The following CIRSR variants were observed in gnomAD, a reference collection of about 807,000 sequenced individuals.
CIRSR encodes corepressor of RBPJ and splicing regulator.
At chr2:174,363,625 G>A in the CIRSR span, among the ~76,000 whole-genome samples, 1 of 152,216 alleles carries the variant, frequency 6.6e-6, no homozygotes, top group Non-Finnish European at 1.5e-5. Context: ...TGGACTTATA[G>A]TTCCACGTGG....
chr2:174,367,354 C>A, the CIRSR span, among the ~76,000 whole-genome samples: 2 of 151,988 alleles, frequency 1.3e-5, no homozygotes, highest in East Asian at 3.9e-4. Flanking sequence ...CCGAGGCAGA[C>A]GGATCACGAG....
At chr2:174,388,480 C>T in the CIRSR span, among the ~76,000 whole-genome samples, 1 of 152,134 alleles carries the variant, frequency 6.6e-6, no homozygotes, top group Admixed American at 6.5e-5. Context: ...GGATTACAGG[C>T]GTAAGCCACT....
chr2:174,360,061 G>A, the CIRSR span, among the ~76,000 whole-genome samples: 4 of 152,218 alleles, frequency 2.6e-5, no homozygotes, highest in Non-Finnish European at 5.9e-5. Flanking sequence ...GGCCTGTTGT[G>A]AGGTGGGGGA....
the CIRSR span, among the ~76,000 whole-genome samples, chr2:174,358,000 A>G: frequency 6.6e-6 from 1 of 152,236 alleles, no homozygotes; most frequent in African/African-American, 2.4e-5. Flanking sequence ...AGTTCATCTT[A>G]GTGGAGGCTG....
the CIRSR span, chr2:174,350,631 A>C: frequency 7.0e-7 from 1 of 1,428,868 alleles, no homozygotes; most frequent in Non-Finnish European, 9.6e-7. Context: ...GGAAAAAATA[A>C]ATCTATTAAA....
At chr2:174,359,937 A>G in the CIRSR span, among the ~76,000 whole-genome samples, 2 of 152,232 alleles carry the variant, frequency 1.3e-5, no homozygotes, top group Non-Finnish European at 2.9e-5. Context: ...GGAAACCATC[A>G]TTCTGGGCAA....
At chr2:174,361,989 T>C in the CIRSR span, among the ~76,000 whole-genome samples, 1 of 152,186 alleles carries the variant, frequency 6.6e-6, no homozygotes, top group Non-Finnish European at 1.5e-5. Flanking sequence ...TTGAAAAAAT[T>C]AGCTAAATTT....
the CIRSR span, chr2:174,349,011 C>T: frequency 6.3e-7 from 1 of 1,598,966 alleles, no homozygotes; most frequent in East Asian, 2.2e-5. Flanking sequence ...GTTACTCTCA[C>T]TCTCACTACT....
At chr2:174,395,482 T>C in the CIRSR span, 4 of 1,464,354 alleles carry the variant, frequency 2.7e-6, no homozygotes, top group South Asian at 4.6e-5. Context: ...CACCATCACT[T>C]TCACTTCCAG....
chr2:174,380,874 T>G, the CIRSR span: 3 of 1,373,278 alleles, frequency 2.2e-6, no homozygotes, highest in Non-Finnish European at 3.0e-6. Flanking sequence ...AACTTCAATA[T>G]AAAAATCTAC....
chr2:174,355,448 T>C, the CIRSR span, among the ~76,000 whole-genome samples: 8 of 152,310 alleles, frequency 5.3e-5, no homozygotes, highest in African/African-American at 1.2e-4. Context: ...CTTCACAGCA[T>C]TGAAAACCAA....
the CIRSR span, among the ~76,000 whole-genome samples, chr2:174,379,613 T>C: frequency 7.2e-5 from 11 of 152,112 alleles, no homozygotes; most frequent in South Asian, 8.3e-4. Flanking sequence ...AAACCAATAA[T>C]AGATTTAAAT....
the CIRSR span, chr2:174,378,579 A>G: frequency 3.4e-6 from 1 of 294,092 alleles, no homozygotes; most frequent in Middle Eastern, 1.2e-3. Flanking sequence ...AGTACAGTCT[A>G]TTTTTATAAT....
At chr2:174,381,717 T>C in the CIRSR span, 1 of 1,590,130 alleles carries the variant, frequency 6.3e-7, no homozygotes, top group Non-Finnish European at 8.5e-7. Flanking sequence ...TTTTAGCTCC[T>C]GGTGGGGCTT....
the CIRSR span, among the ~76,000 whole-genome samples, chr2:174,390,117 A>C: frequency 1.3e-5 from 2 of 152,200 alleles, no homozygotes; most frequent in Non-Finnish European, 2.9e-5. Context: ...TCCAGACCCC[A>C]GTATAGTAGA....
At chr2:174,376,870 T>C in the CIRSR span, among the ~76,000 whole-genome samples, 1 of 151,984 alleles carries the variant, frequency 6.6e-6, no homozygotes, top group African/African-American at 2.4e-5. Flanking sequence ...TTATTATATC[T>C]GAATTCACAT....
the CIRSR span, among the ~76,000 whole-genome samples, chr2:174,351,290 C>T: frequency 6.6e-6 from 1 of 152,046 alleles, no homozygotes; most frequent in Non-Finnish European, 1.5e-5. Flanking sequence ...GGAGTTTTTA[C>T]ATACTTCTAA....
the CIRSR span, among the ~76,000 whole-genome samples, chr2:174,352,435 A>G: frequency 6.6e-6 from 1 of 152,210 alleles, no homozygotes; most frequent in Non-Finnish European, 1.5e-5. Context: ...TGTTTCCCAA[A>G]TATGAACTAA....
At chr2:174,358,122 A>G in the CIRSR span, 29 of 152,242 alleles carry the variant, frequency 1.9e-4, no homozygotes, top group African/African-American at 4.6e-4. Context: ...GTTTTAGTCT[A>G]TGTGTCTGGA....
Sources: allele counts gnomAD v4.1 joint callset (sites outside exome capture counted in the v4.1 genomes callset), GRCh38; gene constraint gnomAD v4.1.1; transcripts MANE v1.5; gene names NCBI Gene and HGNC (gene_info 2026-07-23, HGNC 2026-07-21).